C6: variants seen among roughly 807,000 people sequenced by gnomAD.
C6 encodes the protein complement component C6.
C6 carries 101 observed loss-of-function variants against 112.9 expected under a neutral mutation model. The ratio of observed to expected loss-of-function variants is 0.89; its 90% CI spans 0.76 to 1.06. The LOEUF is 1.06. C6 is among the 50% of genes least tolerant of loss of function. The pLI is 0.00. For missense variants in C6, 1,202 were observed against 1,104.6 expected (o/e 1.09, Z -1.25); for synonymous variants, 431 against 384.1 (o/e 1.12, Z -1.43).
chr5:41,242,795 A>G (rs577315428), intron 1 of C6, among the ~76,000 whole-genome samples: 157 of 152,270 alleles, frequency 1.0e-3, no homozygotes, highest in African/African-American at 3.6e-3. Context: ...TGTACACTCA[A>G]TGGAATACTA....
chr5:41,152,033 G>A (rs779184944), intron 15 of C6, among the ~76,000 whole-genome samples: 4 of 151,884 alleles, frequency 2.6e-5, no homozygotes, highest in Non-Finnish European at 5.9e-5. Context: ...AGGAAGGATG[G>A]AAGGAAGAAG....
chr5:41,229,914 C>T (rs1265697703), intron 1 of C6, among the ~76,000 whole-genome samples: 1 of 152,234 alleles, frequency 6.6e-6, no homozygotes, highest in African/African-American at 2.4e-5. Flanking sequence ...GGAGCCGAGG[C>T]AGAAGAATAT....
intron 1 of C6, among the ~76,000 whole-genome samples, chr5:41,220,223 A>G (rs1739082846): frequency 1.3e-5 from 2 of 152,120 alleles, no homozygotes; most frequent in South Asian, 4.1e-4. Flanking sequence ...TATTCTTTTT[A>G]TGATAAAAAG....
At chr5:41,172,669 T>C in intron 8 of C6, 1 of 430,996 alleles carries the variant, frequency 2.3e-6, no homozygotes, top group South Asian at 2.1e-5. Flanking sequence ...TGCCACTTGT[T>C]GCCACTTAAC....
intron 1 of C6, among the ~76,000 whole-genome samples, chr5:41,228,315 C>G (rs940195905): frequency 1.3e-5 from 2 of 151,870 alleles, no homozygotes; most frequent in Admixed American, 6.6e-5. Flanking sequence ...ATTTCATATC[C>G]TGCCACTTTA....
chr5:41,243,846 A>G (rs903926109), intron 1 of C6, among the ~76,000 whole-genome samples: 8 of 152,032 alleles, frequency 5.3e-5, no homozygotes, highest in Non-Finnish European at 1.2e-4. Context: ...TGGTAGAAAA[A>G]TATTCTCACT....
intron 4 of C6, 75 bp downstream of exon 4, chr5:41,199,693 T>C: frequency 7.2e-7 from 1 of 1,379,998 alleles, no homozygotes. Context: ...GATTCTACTG[T>C]TAGTCAATTG....
chr5:41,197,999 T>C (rs1229290731), intron 4 of C6, among the ~76,000 whole-genome samples: 1 of 152,146 alleles, frequency 6.6e-6, no homozygotes, highest in Non-Finnish European at 1.5e-5. Flanking sequence ...TTGGAAGCGA[T>C]TTGTGTCACT....
At chr5:41,178,886 C>T (rs1749088687) in intron 7 of C6, among the ~76,000 whole-genome samples, 1 of 152,106 alleles carries the variant, frequency 6.6e-6, no homozygotes, top group East Asian at 1.9e-4. Flanking sequence ...GTTGTTGTTG[C>T]TCTGTCACCC....
At chr5:41,174,123 A>G (rs930981883) in intron 8 of C6, among the ~76,000 whole-genome samples, 8 of 152,222 alleles carry the variant, frequency 5.3e-5, no homozygotes, top group Non-Finnish European at 1.2e-4. Flanking sequence ...TTTGAGGGCT[A>G]TAGATGAATC....
Position 41,159,273 on chromosome 5 carries a change from A to G in C6, c.1685-20T>C. On this transcript the variant is annotated intron_variant, in intron 11 of 17. Coordinates refer to ENST00000337836, the MANE Select transcript of C6 (RefSeq NM_000065.5). The stretch of plus-strand genomic sequence containing the variant: ...CTGCATCTGGAACAAAGGAAGACTC[A>G]CTCCCATGGATCATGGTGCAGCTGA... 6.2e-7 allele frequency: 1 copy of G among 1,610,560 alleles called. No individual in the cohort carries two copies. The highest frequency in any genetic ancestry group is 1.1e-5 in the South Asian group (1 of 90,784).
chr5:41,164,965 C>A (rs375749432), intron 9 of C6, among the ~76,000 whole-genome samples: 10 of 152,080 alleles, frequency 6.6e-5, no homozygotes, highest in Non-Finnish European at 1.3e-4. Context: ...CTAGCAACAC[C>A]GGAAAGCCTC....
intron 1 of C6, among the ~76,000 whole-genome samples, chr5:41,207,199 G>C (rs1225665286): frequency 6.6e-6 from 1 of 152,104 alleles, no homozygotes. Flanking sequence ...TCACCACCAG[G>C]CCTGCCTTAC....
At chr5:41,221,911 TC>T (rs1045324287) in intron 1 of C6, among the ~76,000 whole-genome samples, 2 of 152,170 alleles carry the variant, frequency 1.3e-5, no homozygotes, top group African/African-American at 4.8e-5. Context: ...ACACCTGTAA[TC>T]CCAGCACTTT....
chr5:41,166,784 A>G (rs1748015464), intron 9 of C6, among the ~76,000 whole-genome samples: 1 of 152,138 alleles, frequency 6.6e-6, no homozygotes, highest in Non-Finnish European at 1.5e-5. Context: ...GACTTCTTGG[A>G]CTGTCTGCTA....
chr5:41,185,080 C>A (rs1038126009), intron 6 of C6, among the ~76,000 whole-genome samples: 1 of 152,126 alleles, frequency 6.6e-6, no homozygotes, highest in Non-Finnish European at 1.5e-5. Flanking sequence ...CAACTTCCAT[C>A]AGAACAATAT....
rs1751524233 is a variant in C6, at chr5:41,207,412, A to ATTAAATGCCATAAATGCCATTAC, written c.-20-4163_-20-4162insGTAATGGCATTTATGGCATTTAA. Among the ~76,000 whole-genome samples, 4 of 152,256 alleles carry ATTAAATGCCATAAATGCCATTAC rather than the reference A, an allele frequency of 2.6e-5. No homozygotes were observed. The South Asian group carries it at 8.3e-4, about 31-fold the overall frequency. On this transcript the variant is annotated intron_variant, in intron 1 of 17. Coordinates refer to ENST00000337836, the MANE Select transcript of C6 (RefSeq NM_000065.5). ...TAAATGTAAATGGGCTAAATGCCCC[A>ATTAAATGCCATAAATGCCATTAC]ATTAAAAGACATAGACTGGCAAATT...
At chr5:41,246,358 G>A (rs1286705164) in intron 1 of C6, among the ~76,000 whole-genome samples, 2 of 152,174 alleles carry the variant, frequency 1.3e-5, no homozygotes, top group South Asian at 2.1e-4. Context: ...CTAGGATCTT[G>A]TTCTTTTACA....
At chr5:41,211,080 C>G (rs998846987) in intron 1 of C6, among the ~76,000 whole-genome samples, 3 of 152,100 alleles carry the variant, frequency 2.0e-5, no homozygotes, top group Non-Finnish European at 4.4e-5. Flanking sequence ...AGTTCATATC[C>G]TTTGTAGGGA....
Sources: gnomAD v4.1 joint callset for allele counts (sites outside exome capture counted in the v4.1 genomes callset) on GRCh38, gnomAD v4.1.1 for gene constraint, MANE v1.5 for transcripts, NCBI Gene and HGNC (gene_info 2026-07-23, HGNC 2026-07-21) for gene names.